Variants in MAOA observed in about 807,000 individuals in gnomAD.
MAOA encodes amine oxidase [flavin-containing] A.
In MAOA, 6 loss-of-function variants were observed where a neutral mutation model predicts 42.0. The observed-to-expected ratio is 0.14, with a 90% CI of 0.08 to 0.28. The LOEUF (loss-of-function observed/expected upper bound fraction) is 0.28. MAOA is among the 10% of genes least tolerant of loss of function. The pLI is 1.00. For missense variants in MAOA, 262 were observed against 422.3 expected, an observed-to-expected ratio of 0.62 and a Z score of 3.33; for synonymous variants, 140 against 154.0, an observed-to-expected ratio of 0.91 and a Z score of 0.67.
chrX:43,677,461 C>T (rs146611136), intron 1 of MAOA, among the ~76,000 whole-genome samples: 1,117 of 111,226 alleles, frequency 0.01, 16 homozygotes, highest in African/African-American at 0.034. Context: ...CCCACATTGC[C>T]TTGAACTCCC....
At chrX:43,714,640 G>T (rs1273767219) in intron 5 of MAOA, among the ~76,000 whole-genome samples, 1 of 109,759 alleles carries the variant, frequency 9.1e-6, no homozygotes, top group Non-Finnish European at 1.9e-5. Context: ...AGTGAATGGT[G>T]TGGCCTGGTT....
At chrX:43,738,648 G>A (rs934500879) in intron 10 of MAOA, among the ~76,000 whole-genome samples, 5 of 110,199 alleles carry the variant, frequency 4.5e-5, no homozygotes, top group South Asian at 7.8e-4. Context: ...TAGAGAAACC[G>A]TCTCCACAAA....
chrX:43,696,992 GTAA>G (rs1347866881), intron 3 of MAOA, among the ~76,000 whole-genome samples: 1 of 111,653 alleles, frequency 9.0e-6, no homozygotes, highest in Non-Finnish European at 1.9e-5. Context: ...CGCTCCCATA[GTAA>G]TAATAATGAC....
At position 43,731,333 on chromosome X, in the gene MAOA, C is replaced by T. The variant is rs1326709993; in HGVS notation, c.738C>T (p.His246=). The change falls in exon 7 of 15, where the codon CAC becomes CAT. Residue 246 remains histidine, a synonymous_variant. Transcript: ENST00000338702. ...DQVKLNHPVT[H]VDQSSDNIII... is the part of the protein sequence containing the mutation. ...TGAAGCTGAACCATCCTGTCACTCACGTTGACCAGTCAAGTGACAACATCA... is the reference window on the plus strand; with the variant it reads ...TGAAGCTGAACCATCCTGTCACTCATGTTGACCAGTCAAGTGACAACATCA... 22 of 1,207,207 alleles carry T rather than the reference C, an allele frequency of 1.8e-5. No individual in the cohort carries two copies. Among genetic ancestry groups the T allele is most frequent in the South Asian group, 7.0e-5 (4 of 56,777 alleles).
chrX:43,717,527 C>T (rs1192609038), intron 5 of MAOA, among the ~76,000 whole-genome samples: 1 of 111,077 alleles, frequency 9.0e-6, no homozygotes, highest in African/African-American at 3.3e-5. Flanking sequence ...CAGGAATGAC[C>T]CACAGGGTCA....
intron 12 of MAOA, among the ~76,000 whole-genome samples, 163 bp downstream of exon 12, chrX:43,742,210 C>T (rs1430114090): frequency 8.9e-6 from 1 of 112,668 alleles, no homozygotes; most frequent in African/African-American, 3.2e-5. Context: ...ATAAGGATGT[C>T]ATTACATAGA....
intron 5 of MAOA, among the ~76,000 whole-genome samples, chrX:43,714,300 TA>T (rs1321448257): frequency 9.1e-6 from 1 of 109,497 alleles, no homozygotes; most frequent in South Asian, 3.9e-4. Flanking sequence ...CCACAGGGAT[TA>T]GGGGGAGATA....
intron 3 of MAOA, among the ~76,000 whole-genome samples, chrX:43,700,364 C>T (rs1403868227): frequency 8.9e-6 from 1 of 112,303 alleles, no homozygotes; most frequent in Admixed American, 9.4e-5. Flanking sequence ...ATCACTTTAT[C>T]CCAACAGGCT....
At chrX:43,669,283 T>C (rs994902551) in intron 1 of MAOA, among the ~76,000 whole-genome samples, 3 of 106,162 alleles carry the variant, frequency 2.8e-5, no homozygotes. Flanking sequence ...CCTGGCGTGG[T>C]GGTGTGCACC....
intron 14 of MAOA, 83 bp from the exon 15 acceptor site, chrX:43,744,284 G>T (rs1201946843): frequency 1.8e-6 from 2 of 1,133,244 alleles, no homozygotes; most frequent in East Asian, 6.0e-5. Flanking sequence ...TATCCCAGGG[G>T]TCTCCATGCA....
chrX:43,718,897 G>C (rs923146614), intron 5 of MAOA, among the ~76,000 whole-genome samples: 1 of 110,870 alleles, frequency 9.0e-6, no homozygotes, highest in East Asian at 2.9e-4. Context: ...TTCCATCCAC[G>C]ACCCAGAGGA....
chrX:43,673,773 T>C (rs1485243363), intron 1 of MAOA, among the ~76,000 whole-genome samples: 1 of 112,227 alleles, frequency 8.9e-6, no homozygotes, highest in Non-Finnish European at 1.9e-5. Context: ...AATTTCTTAA[T>C]CCTGAGTTCT....
chrX:43,732,255 G>A (rs1027997786), intron 8 of MAOA, among the ~76,000 whole-genome samples: 2 of 111,816 alleles, frequency 1.8e-5, no homozygotes, highest in African/African-American at 6.5e-5. Flanking sequence ...TACCACTACG[G>A]TGTTGTGAGA....
At chrX:43,716,992 A>G (rs1387824073) in intron 5 of MAOA, among the ~76,000 whole-genome samples, 1 of 110,831 alleles carries the variant, frequency 9.0e-6, no homozygotes, top group Non-Finnish European at 1.9e-5. Context: ...CATTCCAACA[A>G]TGACACAGAA....
At chrX:43,670,671 C>A (rs1187367315) in intron 1 of MAOA, among the ~76,000 whole-genome samples, 1 of 95,908 alleles carries the variant, frequency 1.0e-5, no homozygotes, top group African/African-American at 3.9e-5. Flanking sequence ...TTGTTCAATT[C>A]ACACCTATGA....
At chrX:43,718,574 G>T (rs1197196952) in intron 5 of MAOA, among the ~76,000 whole-genome samples, 1 of 109,335 alleles carries the variant, frequency 9.1e-6, no homozygotes, top group African/African-American at 3.3e-5. Context: ...TGGCAGGATG[G>T]TATCTTCCAG....
At chrX:43,672,763 T>A (rs917519297) in intron 1 of MAOA, among the ~76,000 whole-genome samples, 2 of 111,518 alleles carry the variant, frequency 1.8e-5, no homozygotes, top group Non-Finnish European at 3.8e-5. Flanking sequence ...TTTGAGTATA[T>A]TGAACCAGCC....
chrX:43,720,028 AG>A (rs2033776041), intron 5 of MAOA, among the ~76,000 whole-genome samples: 1 of 110,549 alleles, frequency 9.0e-6, no homozygotes. Context: ...AGTATCTTTC[AG>A]GAACGTGACA....
At chrX:43,679,493 A>T (rs1449929756) in intron 1 of MAOA, among the ~76,000 whole-genome samples, 1 of 110,790 alleles carries the variant, frequency 9.0e-6, no homozygotes, top group African/African-American at 3.3e-5. Context: ...ACTCCAAGGG[A>T]TGGTTGTGAG....
Sources: allele counts gnomAD v4.1 joint callset (sites outside exome capture counted in the v4.1 genomes callset), GRCh38; gene constraint gnomAD v4.1.1; transcripts MANE v1.5; gene names NCBI Gene and HGNC (gene_info 2026-07-23, HGNC 2026-07-21).